The following HHATL variants were observed in gnomAD, a reference collection of about 807,000 sequenced individuals.
The protein encoded by HHATL is protein-cysteine N-palmitoyltransferase HHAT-like protein.
HHATL carries 49 observed loss-of-function variants against 59.7 expected under a neutral mutation model. The ratio of observed to expected loss-of-function variants is 0.82; its 90% CI spans 0.65 to 1.04. The LOEUF (loss-of-function observed/expected upper bound fraction) is 1.04, where lower values mean the gene tolerates loss of function less well. HHATL is among the 50% of genes least tolerant of loss of function. The pLI, the probability that HHATL is intolerant of heterozygous loss-of-function variation, is 0.00. For missense variants in HHATL, 605 were observed against 650.8 expected (o/e 0.93, Z 0.77); for synonymous variants, 238 against 257.3 (o/e 0.93, Z 0.72).
intron 6 of HHATL, 32 bp from the exon 7 acceptor site, chr3:42,697,711 G>T: frequency 6.3e-7 from 1 of 1,598,452 alleles, no homozygotes. Context: ...GAGGGAAGAG[G>T]CAAGCCCTGC....
At chr3:42,694,832 C>T (rs1458422162) in intron 9 of HHATL, among the ~76,000 whole-genome samples, 3 of 152,190 alleles carry the variant, frequency 2.0e-5, no homozygotes, top group African/African-American at 7.2e-5. Flanking sequence ...GAAGCTTCTA[C>T]CCTGTTGTCA....
intron 9 of HHATL, 75 bp from the exon 10 acceptor site, chr3:42,693,893 AG>A: frequency 8.1e-7 from 1 of 1,238,576 alleles, no homozygotes; most frequent in Non-Finnish European, 1.2e-6. Context: ...GACACACAAC[AG>A]GGCGTCCTCC....
Position 42,700,725 on chromosome 3 carries a change from T to G in HHATL, c.102A>C (p.Ser34=). The stretch of plus-strand genomic sequence containing the variant: ...GCCCCGGGGCACAGCCATTACCTTG[T>G]GAAGCCTCAAGGAGGCCCCGGCCAG... ...AYAGRGLLEA[S]QDGAHRKAFR... Residue 34 remains serine (S), a synonymous_variant, in exon 2 of 12, where the codon TCA becomes TCC. Transcript: ENST00000441594. 1 of 1,609,184 alleles carries G rather than the reference T, an allele frequency of 6.2e-7. No individual in the cohort carries two copies. Among genetic ancestry groups the G allele is most frequent in the South Asian group, 1.1e-5 (1 of 90,992 alleles).
chr3:42,698,413 T>C, intron 5 of HHATL, 62 bp from the exon 6 acceptor site: 30 of 1,481,236 alleles, frequency 2.0e-5, no homozygotes, highest in Non-Finnish European at 2.7e-5. Flanking sequence ...GGAAAACCTA[T>C]TCCCCACTCC....
chr3:42,694,529 A>C (rs374041268), intron 9 of HHATL, among the ~76,000 whole-genome samples: 5 of 152,174 alleles, frequency 3.3e-5, no homozygotes, highest in African/African-American at 7.2e-5. Flanking sequence ...ACCTCTCTGA[A>C]TAGCTCCCCA....
Position 42,693,738 on chromosome 3 carries a change from G to A in HHATL, c.1127C>T (p.Thr376Ile), listed in dbSNP as rs771758332. 2.5e-6 allele frequency: 4 copies of A among 1,614,174 alleles called. No individual in the cohort carries two copies. The highest frequency in any genetic ancestry group is 3.4e-6 in the Non-Finnish European group (4 of 1,180,002). Residue 376 changes from threonine (T) to isoleucine (I), a missense_variant, in exon 10 of 12, where the codon ACC (threonine) becomes ATC (isoleucine). By Grantham distance (89) the Thr-to-Ile change is moderately conservative (BLOSUM62 -1). Coordinates refer to ENST00000441594, the MANE Select transcript of HHATL (RefSeq NM_020707.4). The stretch of plus-strand genomic sequence containing the variant: ...GTCACAAGGCCCAAGCCACAGTGTG[G>A]TGATGGCAAATGTGGCCACTGTGGC... ...LAATVATFAITTLWLGPCDIV... is the reference protein window; with the variant it reads ...LAATVATFAIITLWLGPCDIV...
chr3:42,693,637 C>T lies in HHATL; in HGVS notation c.1228G>A (p.Gly410Arg). Reference sequence around the variant, plus strand: ...CTCACCTCAATTCGTGCTAGGGGCCCCCACTCTGCCAGTTTTTGCATCCAG... The same window carrying T: ...CTCACCTCAATTCGTGCTAGGGGCCTCCACTCTGCCAGTTTTTGCATCCAG... ...ELWMQKLAEW[G>R]PLARIEASLS... is the part of the protein sequence containing the mutation. Residue 410 changes from glycine to arginine, a missense_variant, in exon 10 of 12, where the codon GGG (glycine) becomes AGG (arginine). Gly to Arg is a moderately radical substitution (Grantham distance 125). Coordinates refer to ENST00000441594, the MANE Select transcript of HHATL (RefSeq NM_020707.4). The T allele has an allele frequency of 6.2e-7, 1 of 1,614,100 alleles. No individual in the cohort carries two copies.
chr3:42,700,935 G>A (rs1697949134), intron 1 of HHATL, 96 bp from the exon 2 acceptor site: 1 of 770,472 alleles, frequency 1.3e-6, no homozygotes, highest in Non-Finnish European at 2.2e-6. Context: ...ACTCTGAAGA[G>A]AGATTGCCCC....
intron 5 of HHATL, 77 bp from the exon 6 acceptor site, chr3:42,698,428 C>A: frequency 7.3e-7 from 1 of 1,378,412 alleles, no homozygotes; most frequent in Non-Finnish European, 1.0e-6. Flanking sequence ...CACTCCCTAG[C>A]TTCCCACAGG....
At chr3:42,698,945 G>T in intron 4 of HHATL, 43 bp from the exon 5 acceptor site, 1 of 1,607,176 alleles carries the variant, frequency 6.2e-7, no homozygotes, top group Non-Finnish European at 8.5e-7. Context: ...TATAAATGGG[G>T]GCGTGACCCC....
Position 42,692,731 on chromosome 3 carries a change from A to G in HHATL, c.*20T>C. The G allele has an allele frequency of 6.2e-7, 1 of 1,614,156 alleles. No individual in the cohort carries two copies. Among genetic ancestry groups the G allele is most frequent in the Non-Finnish European group, 8.5e-7 (1 of 1,179,996 alleles). ...GCCCAAGAATAGCTGAGCAGAGCCC[A>G]TCCCTCTACCCGCTCCCTCCTACTC... On this transcript the variant is annotated 3_prime_UTR_variant, in exon 12 of 12. Coordinates refer to ENST00000441594, the MANE Select transcript of HHATL (RefSeq NM_020707.4).
rs1356332945 is a variant in HHATL at position 42,698,695 on chromosome 3, C to A, written c.483+13G>T. 6.5e-7 allele frequency: 1 copy of A among 1,544,102 alleles called. No homozygotes were observed. The highest frequency in any genetic ancestry group is 2.2e-5 in the East Asian group (1 of 44,472). On this transcript the variant is annotated intron_variant, in intron 5 of 11. Transcript: ENST00000441594. ...CTTATCCCTACACCCTCTACCCCTG[C>A]ACCAGTTCACACCTGCCAAGAGATT... is the stretch of plus-strand genomic sequence containing the variant.
At position 42,700,808 on chromosome 3, in the gene HHATL, A is replaced by G; in HGVS notation, c.19T>C (p.Leu7=). 6.2e-7 allele frequency: 1 copy of G among 1,613,826 alleles called. No homozygotes were observed. Among genetic ancestry groups the G allele is most frequent in the Non-Finnish European group, 8.5e-7 (1 of 1,179,786 alleles). Residue 7 remains leucine, a synonymous_variant, in exon 2 of 12, where the codon TTG becomes CTG. Coordinates refer to ENST00000441594, the MANE Select transcript of HHATL (RefSeq NM_020707.4). MGIKTA[L]PAAELGLYSL... ...TAGAGGCCCAGCTCAGCCGCCGGCAATGCTGTCTTGATGCCCATAGCCTGG... is the reference window on the plus strand; with the variant it reads ...TAGAGGCCCAGCTCAGCCGCCGGCAGTGCTGTCTTGATGCCCATAGCCTGG...
chr3:42,698,260 A>G lies in HHATL; in HGVS notation c.575T>C (p.Leu192Pro), dbSNP rs1226086862. The change falls in exon 6 of 12, where the codon CTG (leucine) becomes CCG (proline). Residue 192 changes from leucine (L) to proline (P), a missense_variant. Coordinates refer to ENST00000441594, the MANE Select transcript of HHATL (RefSeq NM_020707.4). ...FTVLRCTSFA[L>P]ESCAHPDRHY... ...GCGGTCAGGGTGGGCACAGCTCTCC[A>G]GTGCAAAGCTGGTGCAACGCAGCAC... The G allele has an allele frequency of 6.2e-7, 1 of 1,614,156 alleles. No homozygotes were observed.
Position 42,697,495 on chromosome 3 carries a change from T to A in HHATL, c.865+13A>T, listed in dbSNP as rs541318852. The A allele has an allele frequency of 6.2e-7, 1 of 1,611,772 alleles. No individual in the cohort carries two copies. Among genetic ancestry groups the A allele is most frequent in the East Asian group, 2.2e-5 (1 of 44,828 alleles). On this transcript the variant is annotated intron_variant, in intron 7 of 11. Transcript: ENST00000441594. The stretch of plus-strand genomic sequence containing the variant: ...GCGGCAGCCCTGCCCCCATTTCTCT[T>A]CTGTGGACCCACCGAGGGCACTGTC...
rs972907024 is a variant in HHATL at position 42,697,036 on chromosome 3, G to T, written c.975C>A (p.Pro325=). 3 of 1,599,238 alleles carry T rather than the reference G, an allele frequency of 1.9e-6. No individual in the cohort carries two copies. Among genetic ancestry groups the T allele is most frequent in the African/African-American group, 1.3e-5 (1 of 74,744 alleles). Residue 325 remains proline, a synonymous_variant, in exon 8 of 12, where the codon CCC becomes CCA. Transcript: ENST00000441594. The part of the protein sequence containing the change: ...CLDHLDPPQP[P]KCITALYVFA... ...AGACGTAGAGTGCGGTGATGCACTT[G>T]GGAGGCTGGGGTGGGTCCAGGTGGT...
chr3:42,697,769 G>A (rs1030087524), intron 6 of HHATL, 90 bp from the exon 7 acceptor site: 6 of 1,361,914 alleles, frequency 4.4e-6, no homozygotes, highest in South Asian at 4.1e-5. Flanking sequence ...TGGGGCAGGA[G>A]GAGCCATGGC....
intron 3 of HHATL, 51 bp from the exon 4 acceptor site, chr3:42,699,196 G>A: frequency 4.4e-6 from 6 of 1,350,732 alleles, no homozygotes; most frequent in Non-Finnish European, 6.4e-6. Context: ...GTGGGAGAGG[G>A]GACAGGACGA....
At position 42,701,774 on chromosome 3, in the gene HHATL, C is replaced by T. The variant is rs897664682; in HGVS notation, c.-14+805G>A. Among the ~76,000 whole-genome samples, 1 of 152,224 alleles carries T rather than the reference C, an allele frequency of 6.6e-6. No homozygotes were observed. The highest frequency in any genetic ancestry group is 2.4e-5 in the African/African-American group (1 of 41,454). The stretch of plus-strand genomic sequence containing the variant: ...CCGCTTCAGCCTGGCTCAGGGGCTT[C>T]CCAAGGACTCCATGGATACAGACAT... On this transcript the variant is annotated intron_variant, in intron 1 of 11. Transcript: ENST00000441594. This position sits in a 1 kb window ranked among gnomAD's most constrained non-coding sequence, Gnocchi z 5.1.
Sources: allele counts gnomAD v4.1 joint callset (sites outside exome capture counted in the v4.1 genomes callset), GRCh38; gene constraint gnomAD v4.1.1; non-coding constraint Gnocchi (gnomAD v3.1); transcripts MANE v1.5; gene names NCBI Gene and HGNC (gene_info 2026-07-23, HGNC 2026-07-21).